The following GRID2 variants were observed in gnomAD, a reference collection of about 807,000 sequenced individuals.
The protein encoded by GRID2 is glutamate receptor ionotropic, delta-2.
GRID2 carries 33 observed loss-of-function variants against 114.8 expected under a neutral mutation model. The observed-to-expected ratio is 0.29, with a 90% CI of 0.22 to 0.38. The LOEUF (loss-of-function observed/expected upper bound fraction) is 0.38, where lower values mean the gene tolerates loss of function less well. Ranked by LOEUF, GRID2 falls within the 10% of genes least tolerant of loss-of-function variation. GRID2 has a pLI of 1.00. For synonymous variants in GRID2, 505 were observed against 449.9 expected (o/e 1.12, Z -1.55); for missense variants, 1,184 against 1,257.7 (o/e 0.94, Z 0.89).
intron 4 of GRID2, among the ~76,000 whole-genome samples, chr4:93,162,644 C>A (rs890373455): frequency 1.3e-5 from 2 of 151,912 alleles, no homozygotes; most frequent in Non-Finnish European, 2.9e-5. Flanking sequence ...ACATCATCAA[C>A]CTGGAATCAT....
chr4:92,839,320 C>T (rs930578370), intron 2 of GRID2, among the ~76,000 whole-genome samples: 11 of 150,072 alleles, frequency 7.3e-5, no homozygotes, highest in African/African-American at 2.7e-4. Context: ...CACAATGTGC[C>T]AGTTAGTTAC....
chr4:92,714,422 C>A (rs1735429650), intron 2 of GRID2, among the ~76,000 whole-genome samples: 2 of 152,138 alleles, frequency 1.3e-5, no homozygotes, highest in African/African-American at 4.8e-5. Context: ...AGTGGTCTAC[C>A]ATTCTGGGGT....
chr4:93,406,702 A>G (rs962673256), intron 9 of GRID2, among the ~76,000 whole-genome samples: 2 of 152,160 alleles, frequency 1.3e-5, no homozygotes. Flanking sequence ...ATAGAAATTT[A>G]GGTGAATATC....
At chr4:93,434,491 A>G (rs1720874708) in intron 10 of GRID2, among the ~76,000 whole-genome samples, 1 of 152,028 alleles carries the variant, frequency 6.6e-6, no homozygotes, top group East Asian at 1.9e-4. Context: ...AAAGCCAACA[A>G]TCTCTTCTAA....
At chr4:92,577,265 A>G (rs1727938921) in intron 1 of GRID2, among the ~76,000 whole-genome samples, 1 of 152,162 alleles carries the variant, frequency 6.6e-6, no homozygotes, top group African/African-American at 2.4e-5. Flanking sequence ...ATAGATTTCA[A>G]GATTTCTCAT....
chr4:93,267,972 C>A (rs1751038040), intron 8 of GRID2, among the ~76,000 whole-genome samples: 1 of 152,174 alleles, frequency 6.6e-6, no homozygotes, highest in Non-Finnish European at 1.5e-5. Context: ...TCAGGACGCT[C>A]CCCTGCGGCC....
chr4:92,632,690 AAGTGAAGAAAGGGAAGGAAGGGAAGG>A (rs1560500513), intron 2 of GRID2, among the ~76,000 whole-genome samples: 5 of 150,626 alleles, frequency 3.3e-5, no homozygotes, highest in Middle Eastern at 3.4e-3. Context: ...GGAAGGGAAG[AAGTGAAGAAAGGGAAGGAAGGGAAGG>A]AGTGAAGAAA....
chr4:92,724,617 G>A (rs549732292), intron 2 of GRID2, among the ~76,000 whole-genome samples: 2 of 152,168 alleles, frequency 1.3e-5, no homozygotes, highest in South Asian at 2.1e-4. Flanking sequence ...TCATGTAATA[G>A]ACAAAAGCAC....
At chr4:93,339,208 CA>C (rs1759390721) in intron 8 of GRID2, among the ~76,000 whole-genome samples, 1 of 152,064 alleles carries the variant, frequency 6.6e-6, no homozygotes, top group Non-Finnish European at 1.5e-5. Context: ...GTGTCTCCTC[CA>C]AAAAAGATAT....
intron 2 of GRID2, among the ~76,000 whole-genome samples, chr4:92,903,103 A>G (rs1180710518): frequency 6.6e-6 from 1 of 151,850 alleles, no homozygotes; most frequent in East Asian, 1.9e-4. Context: ...TTACATTGTA[A>G]TTTTAATGGG....
chr4:93,746,281 C>T (rs934360589), intron 14 of GRID2, among the ~76,000 whole-genome samples: 16 of 151,956 alleles, frequency 1.1e-4, no homozygotes, highest in African/African-American at 3.9e-4. Flanking sequence ...AAGTAAATAC[C>T]ATAATACAAT....
intron 1 of GRID2, among the ~76,000 whole-genome samples, chr4:92,314,153 T>C (rs1256862100): frequency 3.3e-5 from 5 of 152,108 alleles, no homozygotes; most frequent in South Asian, 2.1e-4. Context: ...CCAAACACAC[T>C]GAAATTAACC....
chr4:92,790,639 A>G (rs1739538343), intron 2 of GRID2, among the ~76,000 whole-genome samples: 1 of 151,472 alleles, frequency 6.6e-6, no homozygotes, highest in Non-Finnish European at 1.5e-5. Flanking sequence ...GCTGGTCTCA[A>G]ACTCCTAGAT....
chr4:93,461,592 T>A (rs1489578633), intron 11 of GRID2, among the ~76,000 whole-genome samples: 2 of 152,108 alleles, frequency 1.3e-5, no homozygotes, highest in Non-Finnish European at 2.9e-5. Flanking sequence ...ATATGTGAGT[T>A]GTTTACTAAT....
At chr4:93,791,974 T>C (rs950677550) in intron 1 of GRID2, among the ~76,000 whole-genome samples, 1 of 152,248 alleles carries the variant, frequency 6.6e-6, no homozygotes, top group African/African-American at 2.4e-5. Context: ...GTTTACTATT[T>C]GTAAAAGAAT....
chr4:92,548,761 T>A (rs1726413613), intron 1 of GRID2, among the ~76,000 whole-genome samples: 1 of 152,144 alleles, frequency 6.6e-6, no homozygotes, highest in Admixed American at 6.5e-5. Context: ...AAAGGAAGCA[T>A]GGCAGCATCT....
At chr4:93,186,255 C>A (rs1740414489) in intron 4 of GRID2, among the ~76,000 whole-genome samples, 1 of 152,056 alleles carries the variant, frequency 6.6e-6, no homozygotes, top group African/African-American at 2.4e-5. Context: ...TGGGTATATA[C>A]CCAGTAGTGG....
chr4:93,250,326 C>A (rs1579426447), intron 8 of GRID2, among the ~76,000 whole-genome samples: 1 of 151,976 alleles, frequency 6.6e-6, no homozygotes, highest in Middle Eastern at 3.4e-3. Flanking sequence ...AGGGGAACAT[C>A]ACACACTGGG....
intron 13 of GRID2, among the ~76,000 whole-genome samples, chr4:93,520,293 C>G (rs1044134240): frequency 6.6e-6 from 1 of 151,506 alleles, no homozygotes. Flanking sequence ...AGATAACAGA[C>G]AAGCATAAAT....
Sources: gnomAD v4.1 joint callset for allele counts (sites outside exome capture counted in the v4.1 genomes callset) on GRCh38, gnomAD v4.1.1 for gene constraint, MANE v1.5 for transcripts, NCBI Gene and HGNC (gene_info 2026-07-23, HGNC 2026-07-21) for gene names.